The following CCK variants were observed in gnomAD, a reference collection of about 807,000 sequenced individuals.
CCK encodes the protein cholecystokinin triacontatriapeptide.
Under a neutral mutation model 10.1 loss-of-function variants are expected in CCK, and 11 were observed. The ratio of observed to expected loss-of-function variants is 1.09; its 90% confidence interval spans 0.69 to 1.81. The LOEUF (loss-of-function observed/expected upper bound fraction) is 1.81. Ranked by LOEUF, CCK falls within the 40% of genes most tolerant of loss-of-function variation. CCK has a pLI of 0.00. For missense variants in CCK, 137 were observed against 159.9 expected (o/e 0.86, Z 0.77); for synonymous variants, 83 against 71.9 (o/e 1.15, Z -0.78).
At chr3:42,265,103 G>A (rs142868139) in intron 2 of CCK, 166 bp downstream of exon 2, 1 of 151,026 alleles carries the variant, frequency 6.6e-6, no homozygotes, top group East Asian at 2.0e-4. Flanking sequence ...TGGAGAAGCT[G>A]CCGCTAGCTT....
chr3:42,263,902 T>C (rs987731416), intron 3 of CCK: 20 of 427,536 alleles, frequency 4.7e-5, no homozygotes, highest in South Asian at 1.6e-4. Context: ...AGAAGGAATG[T>C]TTTTGCTTTC....
chr3:42,263,819 G>A, intron 3 of CCK, 187 bp from the exon 4 acceptor site: 1 of 989,754 alleles, frequency 1.0e-6, no homozygotes, highest in East Asian at 2.9e-5. Context: ...GCCCCCGGGC[G>A]CACCTGGCTG....
intron 4 of CCK, 129 bp downstream of exon 4, chr3:42,263,288 C>T: frequency 7.0e-7 from 1 of 1,423,798 alleles, no homozygotes; most frequent in Middle Eastern, 1.8e-4. Flanking sequence ...CAAAGGACCG[C>T]CAGAAATCAT....
At chr3:42,259,176 G>T (rs890858359) in intron 4 of CCK, among the ~76,000 whole-genome samples, 2 of 151,956 alleles carry the variant, frequency 1.3e-5, no homozygotes, top group African/African-American at 4.8e-5. Context: ...CACAGGGAGG[G>T]GAACATCACA....
chr3:42,263,045 G>T (rs961045778), intron 4 of CCK: 1 of 360,082 alleles, frequency 2.8e-6, no homozygotes, highest in East Asian at 7.1e-5. Flanking sequence ...CCTGCTAGAG[G>T]ATTTCCAAGG....
chr3:42,260,678 A>G (rs1179506010), intron 4 of CCK, among the ~76,000 whole-genome samples: 2 of 152,200 alleles, frequency 1.3e-5, no homozygotes, highest in African/African-American at 4.8e-5. Flanking sequence ...CACACAAAGA[A>G]TTGGAAGGGG....
chr3:42,263,703 C>G, intron 3 of CCK, 71 bp from the exon 4 acceptor site: 1 of 1,455,954 alleles, frequency 6.9e-7, no homozygotes, highest in South Asian at 1.5e-5. Flanking sequence ...GCGGGCCGGG[C>G]ACCCAGAAGC....
At position 42,265,337 on chromosome 3, in the gene CCK, G is replaced by A. The variant is rs11571839; in HGVS notation, c.-282C>T. On this transcript the variant is annotated 5_prime_UTR_variant, in exon 2 of 5. Transcript: ENST00000396169. ...CACTTTCTTCTCAGCCGCATTAAAAGCCCTCGCAGTTCTCCAGGTTTCCGA... is the reference window on the plus strand; with the variant it reads ...CACTTTCTTCTCAGCCGCATTAAAAACCCTCGCAGTTCTCCAGGTTTCCGA... The A allele has an allele frequency of 4.9e-4, 75 of 152,486 alleles. No homozygotes were observed. The highest frequency in any genetic ancestry group is 1.8e-3 in the African/African-American group (74 of 41,558). 9.4% of individuals were successfully genotyped at this position (152,486 alleles called of 1,614,324 possible). A position where few individuals can be genotyped will look rare whatever the true frequency, so the allele number is the denominator to read the frequency against.
intron 4 of CCK, among the ~76,000 whole-genome samples, chr3:42,262,127 A>G (rs1688015383): frequency 6.6e-6 from 1 of 151,776 alleles, no homozygotes; most frequent in African/African-American, 2.4e-5. Context: ...TAAGGTTCAA[A>G]TCCAGGCCCT....
At chr3:42,259,462 A>G (rs1466194681) in intron 4 of CCK, among the ~76,000 whole-genome samples, 3 of 152,232 alleles carry the variant, frequency 2.0e-5, no homozygotes, top group Admixed American at 2.0e-4. Context: ...TTTTGAGTTG[A>G]TGATCATTTT....
chr3:42,261,767 A>G (rs1711217865), intron 4 of CCK, among the ~76,000 whole-genome samples: 1 of 152,176 alleles, frequency 6.6e-6, no homozygotes. Context: ...GTTAAATGAA[A>G]AGCCTAGGAT....
chr3:42,259,686 T>C (rs1324416789), intron 4 of CCK, among the ~76,000 whole-genome samples: 2 of 152,154 alleles, frequency 1.3e-5, no homozygotes, highest in Admixed American at 1.3e-4. Flanking sequence ...GTGATCCTTT[T>C]GTAGAGCTCA....
chr3:42,264,076 C>A, intron 3 of CCK: 1 of 159,334 alleles, frequency 6.3e-6, no homozygotes, highest in Non-Finnish European at 1.4e-5. Flanking sequence ...AGCTAACAAG[C>A]TTTCAATATG....
chr3:42,263,272 T>G, intron 4 of CCK, 145 bp downstream of exon 4: 1 of 1,265,502 alleles, frequency 7.9e-7, no homozygotes, highest in African/African-American at 1.5e-5. Context: ...CCTTCTCAGA[T>G]TGCTACAAAG....
chr3:42,263,765 G>T (rs908950662), intron 3 of CCK, 133 bp from the exon 4 acceptor site: 7 of 1,395,694 alleles, frequency 5.0e-6, no homozygotes, highest in South Asian at 1.6e-5. Context: ...CCGCAAGCAC[G>T]AGGGCTCGCC....
chr3:42,258,452 T>A (rs895667460), intron 4 of CCK, among the ~76,000 whole-genome samples: 4 of 152,146 alleles, frequency 2.6e-5, no homozygotes, highest in Non-Finnish European at 4.4e-5. Context: ...TATTTACAAG[T>A]TAGGGGTGTG....
chr3:42,259,055 A>T (rs1711177641), intron 4 of CCK, among the ~76,000 whole-genome samples: 2 of 152,204 alleles, frequency 1.3e-5, no homozygotes, highest in Non-Finnish European at 2.9e-5. Context: ...CTTTGCAGGG[A>T]CATGGATGAA....
Position 42,263,454 on chromosome 3 carries a change from G to C in CCK, c.177C>G (p.Gly59=), listed in dbSNP as rs768121796. 3 of 1,614,020 alleles carry C rather than the reference G, an allele frequency of 1.9e-6. No individual in the cohort carries two copies. In the African/African-American group the frequency reaches 4.0e-5, roughly 22 times the overall value. Residue 59 remains glycine, a synonymous_variant, in exon 4 of 5, where the codon GGC becomes GGG. Coordinates refer to ENST00000396169, the MANE Select transcript of CCK (RefSeq NM_000729.6). ...RTDGESRAHL[G]ALLARYIQQA... Reference sequence around the variant, plus strand: ...GCTGGATGTATCTTGCCAGCAGGGCGCCCAGGTGCGCTCGGGACTCGCCAT... The same window carrying C: ...GCTGGATGTATCTTGCCAGCAGGGCCCCCAGGTGCGCTCGGGACTCGCCAT...
At chr3:42,259,539 G>A (rs1711184848) in intron 4 of CCK, among the ~76,000 whole-genome samples, 1 of 152,076 alleles carries the variant, frequency 6.6e-6, no homozygotes, top group Admixed American at 6.6e-5. Context: ...ATTAAATCTT[G>A]GCACCTCAGT....
Sources: gnomAD v4.1 joint callset for allele counts (sites outside exome capture counted in the v4.1 genomes callset) on GRCh38, gnomAD v4.1.1 for gene constraint, MANE v1.5 for transcripts, NCBI Gene and HGNC (gene_info 2026-07-23, HGNC 2026-07-21) for gene names.